Variants in SDK1 observed in about 807,000 individuals in gnomAD.
SDK1 encodes protein sidekick-1.
A neutral mutation model predicts 245.5 loss-of-function variants in SDK1; 157 were observed. That is an observed-to-expected ratio of 0.64 (90% CI 0.56 to 0.73). SDK1 has a LOEUF of 0.73. SDK1 is among the 30% of genes least tolerant of loss of function. The pLI is 0.00. For missense variants in SDK1, 3,583 were observed against 3,002.3 expected (o/e 1.19, Z -4.52); for synonymous variants, 1,647 against 1,278.5 (o/e 1.29, Z -6.15).
intron 1 of SDK1, among the ~76,000 whole-genome samples, chr7:3,442,701 G>A (rs967333003): frequency 1.3e-4 from 20 of 152,276 alleles, no homozygotes; most frequent in African/African-American, 4.6e-4. Flanking sequence ...GTGAGTAATT[G>A]TACAAGTTTA....
chr7:3,488,399 A>G (rs1294255052), intron 1 of SDK1, among the ~76,000 whole-genome samples: 1 of 152,178 alleles, frequency 6.6e-6, no homozygotes. Flanking sequence ...ATTTAATATT[A>G]GTGGAGGATT....
chr7:3,442,634 A>C (rs1162597953), intron 1 of SDK1, among the ~76,000 whole-genome samples: 1 of 152,186 alleles, frequency 6.6e-6, no homozygotes, highest in Admixed American at 6.5e-5. Context: ...TAGTTTCTCT[A>C]AGCCTATTTT....
At chr7:3,756,890 C>G (rs77348859) in intron 4 of SDK1, among the ~76,000 whole-genome samples, 2 of 152,164 alleles carry the variant, frequency 1.3e-5, no homozygotes, top group African/African-American at 4.8e-5. Context: ...CCGGTCATCA[C>G]CATGACTTAT....
Position 3,717,732 on chromosome 7 carries a change from C to G in SDK1, c.713+75627C>G, listed in dbSNP as rs73302287. On this transcript the variant is annotated intron_variant, in intron 4 of 44. Transcript: ENST00000404826. ...AAAAACTCAACCTATAGATATATAA[C>G]CTGAATAGTCTTAAAGCCCTTAGAG... Among the ~76,000 whole-genome samples the G allele has an allele frequency of 7.6e-3, 1,150 of 152,238 alleles. 14 individuals are homozygous for G. Among genetic ancestry groups the G allele is most frequent in the African/African-American group, 0.026 (1,072 of 41,542 alleles).
At chr7:3,411,131 C>T (rs568000470) in intron 1 of SDK1, among the ~76,000 whole-genome samples, 9 of 152,116 alleles carry the variant, frequency 5.9e-5, no homozygotes, top group South Asian at 2.1e-4. Flanking sequence ...TGAGCTCCTG[C>T]GGAAGACCAA....
At position 3,974,390 on chromosome 7, in the gene SDK1, C is replaced by G. The variant is rs6977582; in HGVS notation, c.1839C>G (p.Asn613Lys). ...ACAGCTACGTTTGGAAGAAGGACAACGTGGCCCTGACTCCATCGAGCACGT... is the reference window on the plus strand; with the variant it reads ...ACAGCTACGTTTGGAAGAAGGACAAGGTGGCCCTGACTCCATCGAGCACGT... ...VSLRYVWKKDNVALTPSSTSR... is the reference protein window; with the variant it reads ...VSLRYVWKKDKVALTPSSTSR... The change falls in exon 13 of 45, where the codon AAC becomes AAG. Residue 613 changes from asparagine (N) to lysine (K), a missense_variant. Transcript: ENST00000404826. 1 of 1,613,304 alleles carries G rather than the reference C, an allele frequency of 6.2e-7. No homozygotes were observed. Among genetic ancestry groups the G allele is most frequent in the Non-Finnish European group, 8.5e-7 (1 of 1,179,570 alleles).
At chr7:3,962,996 C>A in intron 9 of SDK1, 145 bp downstream of exon 9, 1 of 557,630 alleles carries the variant, frequency 1.8e-6, no homozygotes, top group Non-Finnish European at 2.9e-6. Flanking sequence ...CACTCAGCTC[C>A]ATGGCTACCT....
chr7:3,838,039 A>AAG (rs1780065531), intron 5 of SDK1, among the ~76,000 whole-genome samples: 2 of 152,288 alleles, frequency 1.3e-5, no homozygotes, highest in South Asian at 4.1e-4. Context: ...TTGTATACTG[A>AAG]AGATCCATGG....
chr7:3,918,308 CAT>C (rs1289779333), intron 5 of SDK1, among the ~76,000 whole-genome samples: 3 of 152,240 alleles, frequency 2.0e-5, no homozygotes, highest in Non-Finnish European at 2.9e-5. Flanking sequence ...AGCAAAGCCT[CAT>C]GTGTATTTAC....
chr7:3,898,515 C>T lies in SDK1; in HGVS notation c.848-52408C>T, dbSNP rs538532101. Among the ~76,000 whole-genome samples, 34 of 152,224 alleles carry T rather than the reference C, an allele frequency of 2.2e-4. No homozygotes were observed. In the South Asian group the frequency reaches 6.8e-3, roughly 31 times the overall value. ...TTACTCACTTTTCATGCACTTTGCC[C>T]TTTTCTGATTGGTTTTAGACTCGGT... On this transcript the variant is annotated intron_variant, in intron 5 of 44. Coordinates refer to ENST00000404826, the MANE Select transcript of SDK1 (RefSeq NM_152744.4).
At chr7:3,828,516 T>G (rs956691870) in intron 5 of SDK1, among the ~76,000 whole-genome samples, 3 of 151,934 alleles carry the variant, frequency 2.0e-5, no homozygotes, top group African/African-American at 7.2e-5. Context: ...TCATCAAAAT[T>G]TGTAATACTT....
chr7:3,367,770 A>G (rs918921766), intron 1 of SDK1, among the ~76,000 whole-genome samples: 10 of 152,220 alleles, frequency 6.6e-5, no homozygotes, highest in Non-Finnish European at 7.3e-5. Context: ...AAAATTGGCT[A>G]GTAGAGCCAT....
At chr7:3,766,277 C>G (rs941305844) in intron 4 of SDK1, among the ~76,000 whole-genome samples, 1 of 152,156 alleles carries the variant, frequency 6.6e-6, no homozygotes, top group African/African-American at 2.4e-5. Flanking sequence ...TTAACACTTT[C>G]TAAATTCATG....
intron 5 of SDK1, among the ~76,000 whole-genome samples, chr7:3,901,395 C>G (rs10215016): frequency 0.018 from 2,813 of 152,084 alleles, 116 homozygotes; most frequent in African/African-American, 0.065. Context: ...ACCGTGCTAG[C>G]CAGGATGGTC....
intron 6 of SDK1, among the ~76,000 whole-genome samples, chr7:3,951,412 C>T (rs1226314169): frequency 6.6e-6 from 1 of 152,180 alleles, no homozygotes; most frequent in Admixed American, 6.5e-5. Context: ...ATGATCCCGC[C>T]TTCCATGTCG....
At chr7:3,458,277 CCT>C (rs1338309047) in intron 1 of SDK1, among the ~76,000 whole-genome samples, 1 of 151,278 alleles carries the variant, frequency 6.6e-6, no homozygotes, top group Non-Finnish European at 1.5e-5. Context: ...ATTTCTTTCC[CCT>C]GTTGTCTCTC....
chr7:3,495,342 C>T (rs1781991871), intron 1 of SDK1, among the ~76,000 whole-genome samples: 1 of 149,338 alleles, frequency 6.7e-6, no homozygotes, highest in Non-Finnish European at 1.5e-5. Context: ...ATTGCAGCCT[C>T]TGCCTCTCAG....
chr7:3,341,555 A>C (rs1325506271), intron 1 of SDK1, among the ~76,000 whole-genome samples: 2 of 152,214 alleles, frequency 1.3e-5, no homozygotes, highest in African/African-American at 4.8e-5. Context: ...ATCATTGTTT[A>C]TCCTAAGAAA....
chr7:3,766,489 G>A (rs1562427723), intron 4 of SDK1, among the ~76,000 whole-genome samples: 1 of 152,060 alleles, frequency 6.6e-6, no homozygotes, highest in Non-Finnish European at 1.5e-5. Context: ...CTAGCAAATG[G>A]GGTAATTGTA....
Sources: gnomAD v4.1 joint callset for allele counts (sites outside exome capture counted in the v4.1 genomes callset) on GRCh38, gnomAD v4.1.1 for gene constraint, MANE v1.5 for transcripts, NCBI Gene and HGNC (gene_info 2026-07-23, HGNC 2026-07-21) for gene names.